EXOC6B: variants seen among roughly 807,000 people sequenced by gnomAD.
EXOC6B encodes exocyst complex component 6B, also known as SEC15 homolog B.
A neutral mutation model predicts 113.5 loss-of-function variants in EXOC6B; 54 were observed. That is an observed-to-expected ratio of 0.48 (90% CI 0.38 to 0.60). EXOC6B has a LOEUF of 0.60. Ranked by LOEUF, EXOC6B falls within the 20% of genes least tolerant of loss-of-function variation. The pLI is 0.00. For synonymous variants in EXOC6B, 357 were observed against 339.0 expected (o/e 1.05, Z -0.58); for missense variants, 797 against 977.5 (o/e 0.82, Z 2.46).
chr2:72,456,582 T>G (rs1408047652), intron 18 of EXOC6B, among the ~76,000 whole-genome samples: 4 of 152,160 alleles, frequency 2.6e-5, no homozygotes, highest in Admixed American at 6.6e-5. Flanking sequence ...TCAAATAAAT[T>G]TGTTTAAATC....
At chr2:72,610,365 G>C (rs532918086) in intron 6 of EXOC6B, among the ~76,000 whole-genome samples, 1 of 152,282 alleles carries the variant, frequency 6.6e-6, no homozygotes, top group South Asian at 2.1e-4. Context: ...TGACACCTCA[G>C]TAGAACCAAG....
intron 18 of EXOC6B, among the ~76,000 whole-genome samples, chr2:72,452,315 G>A (rs1696967504): frequency 6.6e-6 from 1 of 152,132 alleles, no homozygotes; most frequent in African/African-American, 2.4e-5. Flanking sequence ...ACATTGACTG[G>A]ATATTTACTC....
At chr2:72,640,881 T>C (rs1673174332) in intron 6 of EXOC6B, among the ~76,000 whole-genome samples, 1 of 151,990 alleles carries the variant, frequency 6.6e-6, no homozygotes, top group Non-Finnish European at 1.5e-5. Flanking sequence ...AAGAAGGACA[T>C]TACATAATGG....
chr2:72,539,139 A>T lies in EXOC6B; in HGVS notation c.915+20314T>A, dbSNP rs184164900. 2.7e-3 allele frequency among the ~76,000 whole-genome samples: 418 copies of T among 152,210 alleles called. 4 individuals carry two copies. Among genetic ancestry groups the T allele is most frequent in the African/African-American group, 8.8e-3 (364 of 41,532 alleles). Reference sequence around the variant, plus strand: ...CCCCAAAACCCCAGAGTAGTGCAAGACCTCCAGCTGACAAAACAGCCTACC... The same window carrying T: ...CCCCAAAACCCCAGAGTAGTGCAAGTCCTCCAGCTGACAAAACAGCCTACC... On this transcript the variant is annotated intron_variant, in intron 8 of 21. Transcript: ENST00000272427.
intron 6 of EXOC6B, among the ~76,000 whole-genome samples, chr2:72,661,052 G>C (rs1322230511): frequency 6.6e-6 from 1 of 152,124 alleles, no homozygotes; most frequent in Non-Finnish European, 1.5e-5. Context: ...ACTAAAGAGA[G>C]CCCACAGGAG....
At chr2:72,708,461 T>A (rs553317085) in intron 6 of EXOC6B, among the ~76,000 whole-genome samples, 5 of 152,224 alleles carry the variant, frequency 3.3e-5, no homozygotes, top group South Asian at 4.1e-4. Context: ...ACCACCCTAA[T>A]CAAGATACTA....
rs868129942 is a variant in EXOC6B at position 72,631,442 on chromosome 2, A to G, written c.670-55774T>C. 3.5e-3 allele frequency among the ~76,000 whole-genome samples: 252 copies of G among 72,534 alleles called. 7 individuals are homozygous for G. The highest frequency in any genetic ancestry group is 6.0e-3 in the Middle Eastern group (1 of 168). 47.6% of individuals were successfully genotyped at this position (72,534 alleles called of 152,430 possible). On this transcript the variant is annotated intron_variant, in intron 6 of 21. Coordinates refer to ENST00000272427, the MANE Select transcript of EXOC6B (RefSeq NM_015189.3). Reference sequence around the variant, plus strand: ...TGTGTGTGTGTATATATATATATATATATATATATATATATATATAGAGAG... The same window carrying G: ...TGTGTGTGTGTATATATATATATATGTATATATATATATATATATAGAGAG...
intron 19 of EXOC6B, among the ~76,000 whole-genome samples, chr2:72,358,366 C>T (rs750747970): frequency 9.9e-5 from 15 of 152,056 alleles, no homozygotes; most frequent in Non-Finnish European, 2.2e-4. Context: ...GCCCAAAGCC[C>T]AAGCAAGGTT....
intron 20 of EXOC6B, among the ~76,000 whole-genome samples, chr2:72,221,405 T>C (rs956070589): frequency 2.0e-5 from 3 of 152,156 alleles, no homozygotes; most frequent in African/African-American, 7.2e-5. Flanking sequence ...CTATTTCATC[T>C]CCCTCAAGGC....
At chr2:72,652,314 T>C (rs139227285) in intron 6 of EXOC6B, among the ~76,000 whole-genome samples, 1 of 152,074 alleles carries the variant, frequency 6.6e-6, no homozygotes, top group East Asian at 1.9e-4. Context: ...TTTGAGAAAA[T>C]GTTAGTGTTC....
intron 19 of EXOC6B, among the ~76,000 whole-genome samples, chr2:72,372,841 C>G (rs1691120011): frequency 6.6e-6 from 1 of 151,634 alleles, no homozygotes; most frequent in Admixed American, 6.6e-5. Context: ...AAGACTCTGT[C>G]TCAAAAAAGG....
At chr2:72,579,863 A>T (rs1573431204) in intron 6 of EXOC6B, among the ~76,000 whole-genome samples, 1 of 152,186 alleles carries the variant, frequency 6.6e-6, no homozygotes, top group East Asian at 1.9e-4. Context: ...AAATATAATT[A>T]TATAGGCTTC....
intron 1 of EXOC6B, among the ~76,000 whole-genome samples, chr2:72,775,909 A>G (rs1462074599): frequency 6.6e-6 from 1 of 152,216 alleles, no homozygotes; most frequent in Non-Finnish European, 1.5e-5. Flanking sequence ...CCTATAGTAA[A>G]ACCATAGAAA....
intron 11 of EXOC6B, among the ~76,000 whole-genome samples, chr2:72,511,950 T>C (rs528836525): frequency 6.6e-6 from 1 of 152,222 alleles, no homozygotes; most frequent in African/African-American, 2.4e-5. Context: ...TTAAAGAAAT[T>C]GTTTTAATGC....
At chr2:72,618,276 G>C (rs770059100) in intron 6 of EXOC6B, among the ~76,000 whole-genome samples, 39 of 152,210 alleles carry the variant, frequency 2.6e-4, no homozygotes, top group Admixed American at 6.5e-4. Flanking sequence ...GGCTGAGACA[G>C]GAGAATCGTT....
chr2:72,401,524 CATATATATATATAT>C lies in EXOC6B; in HGVS notation c.1981-21668_1981-21655del, dbSNP rs1186731784. ...ATATATATATATATATACATATATACATATATATATATATATATATGTGTATATATATATATATA... is the reference window on the plus strand; with the variant it reads ...ATATATATATATATATACATATATACATATATGTGTATATATATATATATA... On this transcript the variant is annotated intron_variant, in intron 18 of 21. Transcript: ENST00000272427. 2.7e-4 allele frequency among the ~76,000 whole-genome samples: 8 copies of C among 29,702 alleles called. 1 individual carries two copies. The East Asian group carries it at 6.1e-3, about 23-fold the overall frequency. The allele number at this position is 29,702 out of a possible 152,430, so 19.5% of individuals were successfully genotyped here.
At chr2:72,553,044 GA>G (rs1015557961) in intron 8 of EXOC6B, among the ~76,000 whole-genome samples, 9 of 151,192 alleles carry the variant, frequency 6.0e-5, no homozygotes, top group African/African-American at 9.7e-5. Flanking sequence ...TGAGATATAG[GA>G]AAAAAAAGTC....
At chr2:72,736,831 T>C (rs1001739727) in intron 2 of EXOC6B, among the ~76,000 whole-genome samples, 1 of 151,868 alleles carries the variant, frequency 6.6e-6, no homozygotes, top group African/African-American at 2.4e-5. Context: ...GGGATAGAGG[T>C]GTCTAAGAAG....
intron 6 of EXOC6B, among the ~76,000 whole-genome samples, chr2:72,577,562 T>C (rs1704952230): frequency 1.4e-5 from 2 of 141,440 alleles, no homozygotes; most frequent in South Asian, 4.2e-4. Context: ...TAAAATATTG[T>C]CAGTGTTTCA....
Sources: allele counts gnomAD v4.1 joint callset (sites outside exome capture counted in the v4.1 genomes callset), GRCh38; gene constraint gnomAD v4.1.1; transcripts MANE v1.5; gene names NCBI Gene and HGNC (gene_info 2026-07-23, HGNC 2026-07-21).